Variants in IL17B observed in about 807,000 individuals in gnomAD.
IL17B encodes the protein interleukin-17B.
In IL17B, 14 loss-of-function variants were observed where a neutral mutation model predicts 14.7. That is an observed-to-expected ratio of 0.95 (90% CI 0.63 to 1.49). The LOEUF (loss-of-function observed/expected upper bound fraction) is 1.49. IL17B is among the 40% of genes most tolerant of loss of function. IL17B has a pLI of 0.00. For synonymous variants in IL17B, 105 were observed against 94.8 expected (o/e 1.11, Z -0.62); for missense variants, 233 against 252.8 (o/e 0.92, Z 0.53).
chr5:149,396,276 T>C (rs1279028309), intron 1 of IL17B, among the ~76,000 whole-genome samples: 1 of 152,208 alleles, frequency 6.6e-6, no homozygotes, highest in African/African-American at 2.4e-5. Flanking sequence ...AATATACACA[T>C]AAGCAGATAT....
chr5:149,392,948 G>C, intron 1 of IL17B, among the ~76,000 whole-genome samples: 1 of 131,702 alleles, frequency 7.6e-6, no homozygotes, highest in Non-Finnish European at 1.7e-5. Flanking sequence ...GCGTGTGTGC[G>C]TGCGTGTGTG....
At chr5:149,402,578 C>T (rs1224689908) in intron 1 of IL17B, among the ~76,000 whole-genome samples, 1 of 151,856 alleles carries the variant, frequency 6.6e-6, no homozygotes, top group Non-Finnish European at 1.5e-5. Flanking sequence ...ATTCAACCTC[C>T]AGCAGGGCGC....
At chr5:149,377,243 G>A (rs1758570508) in intron 1 of IL17B, among the ~76,000 whole-genome samples, 1 of 152,104 alleles carries the variant, frequency 6.6e-6, no homozygotes, top group African/African-American at 2.4e-5. Context: ...CACTCAGCAT[G>A]CTCCTTCCTG....
intron 1 of IL17B, among the ~76,000 whole-genome samples, chr5:149,384,882 G>A (rs1758789198): frequency 6.6e-6 from 1 of 150,954 alleles, no homozygotes; most frequent in Non-Finnish European, 1.5e-5. Flanking sequence ...GCCCAGGTGT[G>A]TGTTGTGGGG....
At chr5:149,391,715 G>A (rs1355977878) in intron 1 of IL17B, among the ~76,000 whole-genome samples, 1 of 152,198 alleles carries the variant, frequency 6.6e-6, no homozygotes, top group Non-Finnish European at 1.5e-5. Context: ...TCACTGAGCT[G>A]TCAGTGGAGG....
chr5:149,374,866 C>G lies in IL17B; in HGVS notation c.312-266G>C, dbSNP rs554873262. The G allele has an allele frequency of 2.2e-6, 1 of 453,734 alleles. No individual in the cohort carries two copies. Among genetic ancestry groups the G allele is most frequent in the African/African-American group, 1.9e-5 (1 of 51,788 alleles). The allele number at this position is 453,734 out of a possible 1,614,324, so 28.1% of individuals were successfully genotyped here. The stretch of plus-strand genomic sequence containing the variant: ...TCTTTCGTGCAGCCAGATGCCCATC[C>G]CAGTACTAGGTTGCGCTGTGGGGAT... On this transcript the variant is annotated intron_variant, in intron 2 of 2. Transcript: ENST00000261796. This position sits in a 1 kb window ranked among gnomAD's most constrained non-coding sequence, Gnocchi z 5.0.
intron 2 of IL17B, among the ~76,000 whole-genome samples, chr5:149,376,262 C>T (rs887534268): frequency 2.0e-5 from 3 of 152,212 alleles, no homozygotes; most frequent in Admixed American, 2.0e-4. Context: ...AGAAATAGCA[C>T]TTCCTGGGCC....
chr5:149,374,485 C>A lies in IL17B; in HGVS notation c.427G>T (p.Val143Leu), dbSNP rs752411869. 6.2e-7 allele frequency: 1 copy of A among 1,612,928 alleles called. No homozygotes were observed. The highest frequency in any genetic ancestry group is 8.5e-7 in the Non-Finnish European group (1 of 1,179,918). The stretch of plus-strand genomic sequence containing the variant: ...CGGCGCACAGGAACCTGGCTGAACA[C>A]CGGCACGCTCACCATGCTGCGGTCC... The part of the protein sequence containing the change: ...QEDRSMVSVP[V>L]FSQVPVRRRL... Residue 143 changes from valine to leucine, a missense_variant, in exon 3 of 3, where the codon GTG (valine) becomes TTG (leucine). Physicochemically the swap from Val to Leu is conservative, Grantham distance 32. Coordinates refer to ENST00000261796, the MANE Select transcript of IL17B (RefSeq NM_014443.3). This position sits in a 1 kb window ranked among gnomAD's most constrained non-coding sequence, Gnocchi z 5.0.
At chr5:149,384,354 C>T (rs2127619503) in intron 1 of IL17B, among the ~76,000 whole-genome samples, 1 of 152,280 alleles carries the variant, frequency 6.6e-6, no homozygotes, top group East Asian at 1.9e-4. Context: ...TATTGTTTGC[C>T]TGGCACATAA....
rs147244797 is a variant in IL17B at position 149,394,288 on chromosome 5, G to A, written n.95+9820C>T. Among the ~76,000 whole-genome samples, 911 of 152,188 alleles carry A rather than the reference G, an allele frequency of 6.0e-3. 6 individuals carry two copies. The highest frequency in any genetic ancestry group is 0.027 in the South Asian group (131 of 4,830). On this transcript the variant is annotated intron_variant and non_coding_transcript_variant, in intron 1 of 2. Transcript: ENST00000505432. ...TGTGTGCACCCAGCTTTCTAACTGC[G>A]GCCATCTGAAATACCATGACAGACA...
chr5:149,401,097 T>G (rs972830244), intron 1 of IL17B, among the ~76,000 whole-genome samples: 1 of 152,190 alleles, frequency 6.6e-6, no homozygotes, highest in African/African-American at 2.4e-5. Flanking sequence ...AAATTAACCA[T>G]CACATCACTT....
At chr5:149,400,478 A>C (rs1473435678) in intron 1 of IL17B, among the ~76,000 whole-genome samples, 2 of 152,186 alleles carry the variant, frequency 1.3e-5, no homozygotes, top group African/African-American at 4.8e-5. Flanking sequence ...TGGTTACAGC[A>C]GCCCTGCCTG....
chr5:149,377,086 TG>T, intron 1 of IL17B, 61 bp from the exon 2 acceptor site: 3 of 1,405,310 alleles, frequency 2.1e-6, no homozygotes, highest in Non-Finnish European at 1.9e-6. Flanking sequence ...GGCCAAGACT[TG>T]GGGTCCATGG....
intron 1 of IL17B, among the ~76,000 whole-genome samples, chr5:149,390,100 C>T (rs1049943298): frequency 6.6e-6 from 1 of 152,158 alleles, no homozygotes; most frequent in Non-Finnish European, 1.5e-5. Context: ...TGCCATAACC[C>T]TTTCATACAT....
At chr5:149,390,670 G>C (rs1416671774) in intron 1 of IL17B, among the ~76,000 whole-genome samples, 1 of 148,120 alleles carries the variant, frequency 6.8e-6, no homozygotes, top group Non-Finnish European at 1.5e-5. Context: ...CGCCAACCCA[G>C]CTCTGAAAAC....
intron 1 of IL17B, among the ~76,000 whole-genome samples, chr5:149,389,499 G>A (rs1444999740): frequency 6.6e-6 from 1 of 152,262 alleles, no homozygotes; most frequent in Non-Finnish European, 1.5e-5. Context: ...GAGGAAAAGA[G>A]ACTGATAGAG....
chr5:149,392,971 C>T (rs962402081), intron 1 of IL17B, among the ~76,000 whole-genome samples: 25 of 60,250 alleles, frequency 4.1e-4, no homozygotes, highest in African/African-American at 1.2e-3. Flanking sequence ...TGTGTGTGCG[C>T]GCGTGCGTGT....
chr5:149,393,339 G>A (rs1759024602), intron 1 of IL17B, among the ~76,000 whole-genome samples: 1 of 152,090 alleles, frequency 6.6e-6, no homozygotes, highest in African/African-American at 2.4e-5. Context: ...TGTGCCCTAT[G>A]CATCCCTGTG....
In IL17B at chr5:149,374,489, C is replaced by T. The variant is rs1179405653; in HGVS notation, c.423G>A (p.Val141=). Residue 141 remains valine (V), a synonymous_variant, in exon 3 of 3, where the codon GTG becomes GTA. Transcript: ENST00000261796. The surrounding 1 kb of genome is among the most constrained non-coding windows in gnomAD (Gnocchi z 5.0). Reference sequence around the variant, plus strand: ...GCACAGGAACCTGGCTGAACACCGGCACGCTCACCATGCTGCGGTCCTCCT... The same window carrying T: ...GCACAGGAACCTGGCTGAACACCGGTACGCTCACCATGCTGCGGTCCTCCT... ...TMQEDRSMVS[V]PVFSQVPVRR... The T allele has an allele frequency of 6.2e-7, 1 of 1,613,070 alleles. No individual in the cohort carries two copies. The highest frequency in any genetic ancestry group is 2.2e-5 in the East Asian group (1 of 44,864).
Sources: allele counts gnomAD v4.1 joint callset (sites outside exome capture counted in the v4.1 genomes callset), GRCh38; gene constraint gnomAD v4.1.1; non-coding constraint Gnocchi (gnomAD v3.1); transcripts MANE v1.5; gene names NCBI Gene and HGNC (gene_info 2026-07-23, HGNC 2026-07-21).